CELA3A: variants seen among roughly 807,000 people sequenced by gnomAD.
CELA3A encodes chymotrypsin like elastase 3A, also known as chymotrypsin-like elastase family member 3A.
A neutral mutation model predicts 38.6 loss-of-function variants in CELA3A; 35 were observed. The observed-to-expected ratio is 0.91, with a 90% CI of 0.69 to 1.20. The LOEUF (loss-of-function observed/expected upper bound fraction) is 1.20, where lower values mean the gene tolerates loss of function less well. CELA3A is among the 50% of genes most tolerant of loss of function. The pLI, the probability that CELA3A is intolerant of heterozygous loss-of-function variation, is 0.00. For missense variants in CELA3A, 343 were observed against 354.2 expected (o/e 0.97, Z 0.25); for synonymous variants, 143 against 136.7 (o/e 1.05, Z -0.32).
At position 22,006,995 on chromosome 1, in the gene CELA3A, C is replaced by T. The variant is rs147682536; in HGVS notation, c.480C>T (p.Thr160=). ...ILPNKTPCYI[T]GWGRLYTNGP... Reference sequence around the variant, plus strand: ...CCAACAAGACACCCTGCTACATCACCGGCTGGGGCCGTCTCTATAGTACGT... The same window carrying T: ...CCAACAAGACACCCTGCTACATCACTGGCTGGGGCCGTCTCTATAGTACGT... The change falls in exon 5 of 8, where the codon ACC becomes ACT. Residue 160 remains threonine (T), a synonymous_variant. Coordinates refer to ENST00000290122, the MANE Select transcript of CELA3A (RefSeq NM_005747.5). The T allele has an allele frequency of 5.9e-5, 95 of 1,612,322 alleles. 1 individual carries two copies. The highest frequency in any genetic ancestry group is 4.9e-4 in the Middle Eastern group (3 of 6,080).
At chr1:22,008,615 C>T (rs1280849717) in intron 6 of CELA3A, among the ~76,000 whole-genome samples, 1 of 150,244 alleles carries the variant, frequency 6.7e-6, no homozygotes, top group African/African-American at 2.5e-5. Context: ...AAAAGTTAGC[C>T]GGGTGTGGTG....
intron 3 of CELA3A, 41 bp from the exon 4 acceptor site, chr1:22,005,621 T>C: frequency 6.2e-7 from 1 of 1,610,918 alleles, no homozygotes; most frequent in Non-Finnish European, 8.5e-7. Context: ...AGGAGGGAGG[T>C]GAGCCAGTCA....
chr1:22,009,176 T>C (rs1644968944), intron 6 of CELA3A, among the ~76,000 whole-genome samples: 1 of 151,070 alleles, frequency 6.6e-6, no homozygotes, highest in Admixed American at 6.6e-5. Context: ...CCATCCTGGC[T>C]AACACGGTGA....
rs184229274 is a variant in CELA3A, at chr1:22,006,939, G to C, written c.424G>C (p.Ala142Pro). The change falls in exon 5 of 8, where the codon GCC becomes CCC. Residue 142 changes from alanine (A) to proline (P), a missense_variant. Physicochemically the swap from Ala to Pro is conservative, Grantham distance 27. Coordinates refer to ENST00000290122, the MANE Select transcript of CELA3A (RefSeq NM_005747.5). Reference protein sequence around the residue: ...SAQLGDAVQLASLPPAGDILP... With the variant: ...SAQLGDAVQLPSLPPAGDILP... ...CCAGCTGGGAGATGCCGTCCAGCTC[G>C]CCTCACTCCCTCCCGCTGGTGACAT... 1.2e-6 allele frequency: 2 copies of C among 1,612,210 alleles called. No homozygotes were observed. Among genetic ancestry groups the C allele is most frequent in the African/African-American group, 1.3e-5 (1 of 74,144 alleles).
chr1:22,005,159 G>C (rs1302475344), intron 2 of CELA3A, among the ~76,000 whole-genome samples: 2 of 151,454 alleles, frequency 1.3e-5, no homozygotes, highest in Admixed American at 6.6e-5. Context: ...GCCTTCAAGG[G>C]CTGTTAAGAG....
chr1:22,003,177 T>G (rs1198986860), intron 2 of CELA3A, 89 bp downstream of exon 2: 2 of 1,250,220 alleles, frequency 1.6e-6, no homozygotes, highest in Admixed American at 3.7e-5. Flanking sequence ...ACACCATTGC[T>G]CCCTTTGCAA....
intron 5 of CELA3A, 69 bp downstream of exon 5, chr1:22,007,083 T>C: frequency 1.6e-5 from 25 of 1,583,086 alleles, no homozygotes; most frequent in Non-Finnish European, 2.2e-5. Flanking sequence ...GGCTGCAGGT[T>C]GAAGGTAACA....
chr1:22,007,427 A>G lies in CELA3A; in HGVS notation c.554A>G (p.Tyr185Cys). 1 of 1,612,622 alleles carries G rather than the reference A, an allele frequency of 6.2e-7. No individual in the cohort carries two copies. Among genetic ancestry groups the G allele is most frequent in the Non-Finnish European group, 8.5e-7 (1 of 1,179,450 alleles). ...CAGGCCCGGCTGCCCGTGGTGGACTATAAGCACTGCTCCAGGTGGAACTGG... is the reference window on the plus strand; with the variant it reads ...CAGGCCCGGCTGCCCGTGGTGGACTGTAAGCACTGCTCCAGGTGGAACTGG... ...LQQARLPVVD[Y>C]KHCSRWNWWG... Residue 185 changes from tyrosine to cysteine, a missense_variant, in exon 6 of 8, where the codon TAT (tyrosine) becomes TGT (cysteine). Transcript: ENST00000290122.
chr1:22,008,692 G>C (rs569474064), intron 6 of CELA3A, among the ~76,000 whole-genome samples: 1 of 150,518 alleles, frequency 6.6e-6, no homozygotes, highest in South Asian at 2.1e-4. Context: ...CCAGGAGTTG[G>C]AGCTTGCCGT....
At chr1:22,008,331 T>G (rs1439529318) in intron 6 of CELA3A, among the ~76,000 whole-genome samples, 5 of 150,582 alleles carry the variant, frequency 3.3e-5, no homozygotes, top group Non-Finnish European at 5.9e-5. Context: ...TTAAATTTTT[T>G]GTAGAGATGA....
chr1:22,005,681 G>A lies in CELA3A; in HGVS notation c.247G>A (p.Val83Met). Residue 83 changes from valine (V) to methionine (M), a missense_variant, in exon 4 of 8, where the codon GTG becomes ATG. Transcript: ENST00000290122. Reference protein sequence around the residue: ...HCISRDLTYQVVLGEYNLAVK... With the variant: ...HCISRDLTYQMVLGEYNLAVK... ...CTGCAGGAGGGATCTGACCTACCAG[G>A]TGGTGTTGGGTGAGTACAACCTTGC... The A allele has an allele frequency of 6.2e-7, 1 of 1,612,478 alleles. No individual in the cohort carries two copies. The highest frequency in any genetic ancestry group is 2.2e-5 in the East Asian group (1 of 44,710).
chr1:22,002,921 G>T (rs10917107), intron 1 of CELA3A, 82 bp from the exon 2 acceptor site: 2 of 1,272,708 alleles, frequency 1.6e-6, no homozygotes, highest in Admixed American at 3.6e-5. Context: ...CCAGTTGAAG[G>T]CATGGCTTGG....
chr1:22,006,893 C>T lies in CELA3A; in HGVS notation c.378C>T (p.Leu126=). The T allele has an allele frequency of 1.9e-6, 3 of 1,612,342 alleles. No individual in the cohort carries two copies. Among genetic ancestry groups the T allele is most frequent in the Non-Finnish European group, 2.5e-6 (3 of 1,179,388 alleles). The change falls in exon 5 of 8, where the codon CTC becomes CTT. Residue 126 remains leucine, a synonymous_variant. Coordinates refer to ENST00000290122, the MANE Select transcript of CELA3A (RefSeq NM_005747.5). The part of the protein sequence containing the change: ...SCVACGNDIA[L]IKLSRSAQLG... ...TCCTCCCCAGCAATGACATCGCCCT[C>T]ATCAAGCTCTCACGCAGCGCCCAGC...
Position 22,004,184 on chromosome 1 carries a change from A to G in CELA3A, c.129+1096A>G, listed in dbSNP as rs1187381807. Among the ~76,000 whole-genome samples, 2 of 144,284 alleles carry G rather than the reference A, an allele frequency of 1.4e-5. 1 individual carries two copies. The highest frequency in any genetic ancestry group is 3.0e-5 in the Non-Finnish European group (2 of 66,384). 94.7% of individuals were successfully genotyped at this position (144,284 alleles called of 152,430 possible). ...CCTCCTAGGTCCAAGCAATAATCCCACCTCAGCCTCCTGTGTAGCTAGGAC... is the reference window on the plus strand; with the variant it reads ...CCTCCTAGGTCCAAGCAATAATCCCGCCTCAGCCTCCTGTGTAGCTAGGAC... On this transcript the variant is annotated intron_variant, in intron 2 of 7. Transcript: ENST00000290122.
Position 22,007,561 on chromosome 1 carries a change from C to A in CELA3A, c.642+46C>A, listed in dbSNP as rs372919619. The stretch of plus-strand genomic sequence containing the variant: ...CCGAGGTGGTGCTGGGTGTGCAGGA[C>A]CTTGGAATGGGGCCAACTGCCTGGA... On this transcript the variant is annotated intron_variant, in intron 6 of 7. Transcript: ENST00000290122. The A allele has an allele frequency of 6.9e-5, 108 of 1,574,396 alleles. 5 individuals are homozygous for A. In the African/African-American group the frequency reaches 1.2e-3, roughly 18 times the overall value.
chr1:22,009,499 C>G (rs1644970550), intron 6 of CELA3A, among the ~76,000 whole-genome samples: 1 of 151,476 alleles, frequency 6.6e-6, no homozygotes, highest in Non-Finnish European at 1.5e-5. Flanking sequence ...TTGCAATGAG[C>G]CAAGCTTGCG....
In CELA3A at chr1:22,005,544, C is replaced by G. The variant is rs779573222; in HGVS notation, c.227C>G (p.Ser76Trp). ...GTTGTGACTGCCGGCCACTGCATCT[C>G]GTGAGTTCTCTACCCTGTCCCTGCC... is the stretch of plus-strand genomic sequence containing the variant. ...DWVVTAGHCI[S>W]RDLTYQVVLG... is the part of the protein sequence containing the mutation. Residue 76 changes from serine (S) to tryptophan (W), a missense_variant and splice_region_variant, in exon 3 of 8, where the codon TCG becomes TGG. Transcript: ENST00000290122. The G allele has an allele frequency of 6.8e-6, 11 of 1,612,714 alleles. 1 individual carries two copies. The East Asian group carries it at 2.5e-4, about 36-fold the overall frequency.
chr1:22,009,964 C>G lies in CELA3A; in HGVS notation c.795+107C>G, dbSNP rs550102829. The G allele has an allele frequency of 2.0e-6, 3 of 1,482,190 alleles. No individual in the cohort carries two copies. The African/African-American group carries it at 4.4e-5, about 22-fold the overall frequency. The allele number at this position is 1,482,190 out of a possible 1,614,324, so 91.8% of individuals were successfully genotyped here. ...GGAGGGCCTGAAAGGATCCTAGAAG[C>G]TCAGTGGGGAAGGGCCCTTGGGGAC... On this transcript the variant is annotated intron_variant, in intron 7 of 7. Transcript: ENST00000290122.
chr1:22,003,675 C>A (rs1644931355), intron 2 of CELA3A, among the ~76,000 whole-genome samples: 1 of 148,572 alleles, frequency 6.7e-6, no homozygotes, highest in Non-Finnish European at 1.5e-5. Context: ...GAGTGAGACT[C>A]TGTCTCAAAA....
Sources: gnomAD v4.1 joint callset for allele counts (sites outside exome capture counted in the v4.1 genomes callset) on GRCh38, gnomAD v4.1.1 for gene constraint, MANE v1.5 for transcripts, NCBI Gene and HGNC (gene_info 2026-07-23, HGNC 2026-07-21) for gene names.